The following SLC35F4 variants were observed in gnomAD, a reference collection of about 807,000 sequenced individuals.
SLC35F4 encodes solute carrier family 35 member F4, also known as chromosome 14 open reading frame 36.
In SLC35F4, 24 loss-of-function variants were observed where a neutral mutation model predicts 44.2. That is an observed-to-expected ratio of 0.54 (90% CI 0.39 to 0.76). The LOEUF (loss-of-function observed/expected upper bound fraction) is 0.76, where lower values mean the gene tolerates loss of function less well. Among genes scored for constraint, SLC35F4 ranks in the 30% least tolerant of loss-of-function variants. The pLI is 0.00. For missense variants in SLC35F4, 562 were observed against 586.1 expected (o/e 0.96, Z 0.42); for synonymous variants, 238 against 223.6 (o/e 1.06, Z -0.57).
intron 1 of SLC35F4, among the ~76,000 whole-genome samples, chr14:57,623,298 C>G (rs1412679413): frequency 6.6e-6 from 1 of 151,986 alleles, no homozygotes; most frequent in Non-Finnish European, 1.5e-5. Context: ...ACAGAAGCAC[C>G]CAGATTTGTA....
intron 1 of SLC35F4, among the ~76,000 whole-genome samples, chr14:57,805,184 A>AAAT (rs1595106714): frequency 6.6e-6 from 1 of 152,222 alleles, no homozygotes; most frequent in African/African-American, 2.4e-5. Context: ...AGTGTAAATT[A>AAAT]GTTCAACCAT....
intron 1 of SLC35F4, among the ~76,000 whole-genome samples, chr14:57,698,841 G>T (rs752442010): frequency 6.6e-6 from 1 of 152,020 alleles, no homozygotes; most frequent in South Asian, 2.1e-4. Flanking sequence ...GGCCAGGCTG[G>T]TCTCAAACTC....
chr14:57,708,186 C>A (rs1460961377), intron 1 of SLC35F4, among the ~76,000 whole-genome samples: 3 of 152,114 alleles, frequency 2.0e-5, no homozygotes, highest in Non-Finnish European at 4.4e-5. Context: ...CTGATGCCAC[C>A]CACACCAGTG....
chr14:57,629,963 C>A (rs1052057372), intron 1 of SLC35F4: 2 of 516,668 alleles, frequency 3.9e-6, no homozygotes, highest in Non-Finnish European at 3.9e-6. Context: ...GCCGATGACA[C>A]CAGGTATGAA....
At chr14:57,576,027 C>A (rs2068770081) in intron 4 of SLC35F4, among the ~76,000 whole-genome samples, 1 of 151,502 alleles carries the variant, frequency 6.6e-6, no homozygotes, top group Non-Finnish European at 1.5e-5. Flanking sequence ...TGGCTCGGGC[C>A]ATCAAAAGCC....
At chr14:57,700,772 G>A (rs2075517304) in intron 1 of SLC35F4, among the ~76,000 whole-genome samples, 1 of 151,952 alleles carries the variant, frequency 6.6e-6, no homozygotes. Flanking sequence ...AGGCATAGTG[G>A]TGTACACCTG....
intron 1 of SLC35F4, among the ~76,000 whole-genome samples, chr14:57,825,045 T>A (rs1289125640): frequency 6.6e-6 from 1 of 152,044 alleles, no homozygotes; most frequent in Non-Finnish European, 1.5e-5. Context: ...AATGAGGAAG[T>A]GCAGGTGGCA....
intron 1 of SLC35F4, among the ~76,000 whole-genome samples, chr14:57,837,972 G>C (rs998250329): frequency 2.0e-5 from 3 of 151,944 alleles, no homozygotes; most frequent in African/African-American, 7.3e-5. Flanking sequence ...GCCATATCTT[G>C]TATCTACAAC....
chr14:57,802,590 AGAG>A (rs1211099310), intron 1 of SLC35F4, among the ~76,000 whole-genome samples: 56 of 152,166 alleles, frequency 3.7e-4, no homozygotes, highest in African/African-American at 1.2e-3. Context: ...TAAAGAAAAG[AGAG>A]AAGACTCAAA....
At chr14:57,758,900 C>T (rs956242927) in intron 1 of SLC35F4, among the ~76,000 whole-genome samples, 17 of 152,116 alleles carry the variant, frequency 1.1e-4, no homozygotes, top group Admixed American at 1.0e-3. Flanking sequence ...TTTCCCCCTC[C>T]GCCCAACCCT....
At chr14:57,691,230 C>A (rs1324989737) in intron 1 of SLC35F4, among the ~76,000 whole-genome samples, 1 of 152,074 alleles carries the variant, frequency 6.6e-6, no homozygotes, top group Non-Finnish European at 1.5e-5. Context: ...TTTCTGCCAA[C>A]CAGCTTTTGG....
At chr14:57,780,335 T>C (rs1460179615) in intron 1 of SLC35F4, among the ~76,000 whole-genome samples, 4 of 151,926 alleles carry the variant, frequency 2.6e-5, no homozygotes, top group Non-Finnish European at 1.5e-5. Flanking sequence ...CCATTCACAA[T>C]TGCCACAAAA....
intron 1 of SLC35F4, among the ~76,000 whole-genome samples, chr14:57,930,415 G>T (rs1241473161): frequency 2.6e-5 from 4 of 152,144 alleles, no homozygotes; most frequent in African/African-American, 9.6e-5. Context: ...CTCTCCCTGT[G>T]CCAGTTGCTC....
rs1279281950 is a variant in SLC35F4 at position 57,964,980 on chromosome 14, A to G, written n.282+16933T>C. On this transcript the variant is annotated intron_variant and non_coding_transcript_variant, in intron 1 of 1. Transcript: ENST00000556568. ...GATTAATGCTCCCATGGGGGAAAAA[A>G]AAAAAAAAAAAATATATATATATAT... Among the ~76,000 whole-genome samples, 13 of 114,350 alleles carry G rather than the reference A, an allele frequency of 1.1e-4. No individual in the cohort carries two copies. The East Asian group carries it at 1.8e-3, about 15-fold the overall frequency. The allele number at this position is 114,350 out of a possible 152,430, so 75.0% of individuals were successfully genotyped here.
At chr14:57,855,861 CA>C (rs1470520237) in intron 1 of SLC35F4, among the ~76,000 whole-genome samples, 1 of 152,082 alleles carries the variant, frequency 6.6e-6, no homozygotes, top group African/African-American at 2.4e-5. Flanking sequence ...ATGCAGCCAT[CA>C]AAAAGGATGA....
At chr14:57,662,383 G>C (rs931769012) in intron 1 of SLC35F4, among the ~76,000 whole-genome samples, 4 of 152,150 alleles carry the variant, frequency 2.6e-5, no homozygotes, top group African/African-American at 9.7e-5. Context: ...TTGAGAGTTG[G>C]ACATTTAAGA....
In SLC35F4 at chr14:57,594,504, G is replaced by A. The variant is rs555668547; in HGVS notation, c.104-380C>T. On this transcript the variant is annotated intron_variant, in intron 1 of 7. Coordinates refer to ENST00000556826, the MANE Select transcript of SLC35F4 (RefSeq NM_001306087.2). Reference sequence around the variant, plus strand: ...ATTCTATAAAAGGGGCTCATAAAAAGAAAATGTTATGGCAAGGTCTGTGCC... The same window carrying A: ...ATTCTATAAAAGGGGCTCATAAAAAAAAAATGTTATGGCAAGGTCTGTGCC... 3.3e-5 allele frequency among the ~76,000 whole-genome samples: 5 copies of A among 152,260 alleles called. No homozygotes were observed. In the East Asian group the frequency reaches 9.7e-4, roughly 29 times the overall value.
Position 57,751,912 on chromosome 14 carries a change from T to TTC in SLC35F4, c.103+113809_103+113810dup, listed in dbSNP as rs3062974. 5.5e-3 allele frequency among the ~76,000 whole-genome samples: 826 copies of TTC among 149,346 alleles called. 6 individuals carry two copies. Among genetic ancestry groups the TTC allele is most frequent in the Middle Eastern group, 0.017 (5 of 288 alleles). Reference sequence around the variant, plus strand: ...CTAAAAATAAGCCCTTAAAAAACATTTCTCTCTCTCTCTCTCTCTCTCTCT... The same window carrying TTC: ...CTAAAAATAAGCCCTTAAAAAACATTTCTCTCTCTCTCTCTCTCTCTCTCTCT... On this transcript the variant is annotated intron_variant, in intron 1 of 7. Coordinates refer to ENST00000556826, the MANE Select transcript of SLC35F4 (RefSeq NM_001306087.2).
intron 1 of SLC35F4, among the ~76,000 whole-genome samples, chr14:57,798,412 C>T (rs1429783761): frequency 6.6e-6 from 1 of 152,132 alleles, no homozygotes; most frequent in African/African-American, 2.4e-5. Flanking sequence ...TTTAAATGAA[C>T]ATCATTAATA....
Sources: allele counts gnomAD v4.1 joint callset (sites outside exome capture counted in the v4.1 genomes callset), GRCh38; gene constraint gnomAD v4.1.1; transcripts MANE v1.5; gene names NCBI Gene and HGNC (gene_info 2026-07-23, HGNC 2026-07-21).